Variants in URI1 observed in about 807,000 individuals in gnomAD.
URI1 encodes URI1 prefoldin like chaperone.
URI1 carries 39 observed loss-of-function variants against 60.2 expected under a neutral mutation model. The ratio of observed to expected loss-of-function variants is 0.65; its 90% CI spans 0.50 to 0.85. The LOEUF is 0.85. Ranked by LOEUF, URI1 falls within the 40% of genes least tolerant of loss-of-function variation. URI1 has a pLI of 0.00. For synonymous variants in URI1, 251 were observed against 236.8 expected, an observed-to-expected ratio of 1.06 and a Z score of -0.55; for missense variants, 691 against 665.9, an observed-to-expected ratio of 1.04 and a Z score of -0.42.
chr19:29,942,124 C>T, upstream of URI1: 5 of 770,340 alleles, frequency 6.5e-6, no homozygotes, highest in Non-Finnish European at 7.9e-6. Flanking sequence ...CACCGCCAGC[C>T]CCAGCCACGC....
rs1257899587 is a variant in URI1, at chr19:29,986,387, G to A, written c.337G>A (p.Ala113Thr). The A allele has an allele frequency of 4.3e-6, 7 of 1,609,950 alleles. No homozygotes were observed. In the African/African-American group the frequency reaches 9.4e-5, roughly 22 times the overall value. ...NWFAKCSAKQAVGLVEHRKEH... is the reference protein window; with the variant it reads ...NWFAKCSAKQTVGLVEHRKEH... ...GTTTGCAAAGTGCTCAGCAAAGCAGGCTGTAGGTTTAGTTGAGCACCGGAA... is the reference window on the plus strand; with the variant it reads ...GTTTGCAAAGTGCTCAGCAAAGCAGACTGTAGGTTTAGTTGAGCACCGGAA... Residue 113 changes from alanine to threonine, a missense_variant, in exon 4 of 11, where the codon GCT (alanine) becomes ACT (threonine). Coordinates refer to ENST00000392271, the MANE Select transcript of URI1 (RefSeq NM_003796.3).
At chr19:30,006,523 T>C (rs1433961919) in intron 6 of URI1, among the ~76,000 whole-genome samples, 1 of 152,136 alleles carries the variant, frequency 6.6e-6, no homozygotes, top group African/African-American at 2.4e-5. Flanking sequence ...AAGATTTTTG[T>C]TTGTGGTGAC....
chr19:29,974,076 G>T (rs1413779537), intron 2 of URI1, among the ~76,000 whole-genome samples: 1 of 152,004 alleles, frequency 6.6e-6, no homozygotes, highest in African/African-American at 2.4e-5. Context: ...ATGGCATTTG[G>T]AGTCACAGAC....
intron 1 of URI1, among the ~76,000 whole-genome samples, chr19:29,948,707 T>G (rs1323888979): frequency 6.6e-6 from 1 of 152,190 alleles, no homozygotes; most frequent in East Asian, 1.9e-4. Context: ...TTTTTCTTAG[T>G]ACAGAACAAA....
At chr19:29,993,634 G>C (rs946121381) in intron 4 of URI1, among the ~76,000 whole-genome samples, 2 of 151,868 alleles carry the variant, frequency 1.3e-5, no homozygotes, top group African/African-American at 4.8e-5. Flanking sequence ...GATTGTATGA[G>C]GTGCATCAGG....
At chr19:30,005,614 GTGT>G (rs1204591211) in intron 5 of URI1, 34 bp from the exon 6 acceptor site, 4 of 1,597,580 alleles carry the variant, frequency 2.5e-6, no homozygotes, top group South Asian at 2.3e-5. Context: ...CTGGAGATTT[GTGT>G]TGTTAATACG....
chr19:29,931,646 G>A (rs2054918228), intron 1 of URI1, among the ~76,000 whole-genome samples: 1 of 152,088 alleles, frequency 6.6e-6, no homozygotes, highest in African/African-American at 2.4e-5. Flanking sequence ...AATCCATGAA[G>A]GCAAGATGTT....
In URI1 at chr19:30,009,084, AATGCG is replaced by A. The variant is rs1185900717; in HGVS notation, c.771_775del (p.Met258SerfsTer11). ...AAAGGAAGATCGTAACACAAATGTG[AATGCG>A]ATGCATCAAGTAACAGACTCTCATA... On this transcript the variant is annotated frameshift_variant, in exon 8 of 11. Coordinates refer to ENST00000392271, the MANE Select transcript of URI1 (RefSeq NM_003796.3). LOFTEE classifies it high-confidence loss of function. 1.9e-6 allele frequency: 3 copies of A among 1,613,912 alleles called. No homozygotes were observed. Among genetic ancestry groups the A allele is most frequent in the African/African-American group, 2.7e-5 (2 of 74,922 alleles).
Position 30,015,678 on chromosome 19 carries a change from A to G in URI1, c.*609A>G. 1.2e-5 allele frequency: 15 copies of G among 1,260,146 alleles called. No homozygotes were observed. Among genetic ancestry groups the G allele is most frequent in the Non-Finnish European group, 1.6e-5 (15 of 922,634 alleles). The allele number at this position is 1,260,146 out of a possible 1,614,324, so 78.1% of individuals were successfully genotyped here. On this transcript the variant is annotated 3_prime_UTR_variant, in exon 11 of 11. Coordinates refer to ENST00000392271, the MANE Select transcript of URI1 (RefSeq NM_003796.3). ...ATATTTTGTAAAACTTTTTTTTCCAAGTAAAAACTTTATGAAACTTGGTCT... is the reference window on the plus strand; with the variant it reads ...ATATTTTGTAAAACTTTTTTTTCCAGGTAAAAACTTTATGAAACTTGGTCT...
intron 4 of URI1, among the ~76,000 whole-genome samples, chr19:29,999,317 C>G (rs779715102): frequency 6.6e-6 from 1 of 152,072 alleles, no homozygotes. Flanking sequence ...CATTTCTACC[C>G]GAAGAACTTC....
chr19:29,934,891 T>G (rs1340655838), intron 1 of URI1, among the ~76,000 whole-genome samples: 3 of 152,124 alleles, frequency 2.0e-5, no homozygotes, highest in Non-Finnish European at 4.4e-5. Flanking sequence ...TTTCCATCCT[T>G]TCGAATCTTT....
chr19:30,005,312 G>T, intron 4 of URI1, 49 bp from the exon 5 acceptor site: 1 of 1,064,968 alleles, frequency 9.4e-7, no homozygotes, highest in South Asian at 1.5e-5. Flanking sequence ...TATTCCTACA[G>T]GTCGTATATA....
In URI1 at chr19:29,986,311, A is replaced by C; in HGVS notation, c.261A>C (p.Pro87=). ...MVPFGPFAFM[P]GKLVHTNEVT... ...CATTTGGCCCTTTTGCCTTCATGCCAGGAAAACTTGTCCATACTAATGAAG... is the reference window on the plus strand; with the variant it reads ...CATTTGGCCCTTTTGCCTTCATGCCCGGAAAACTTGTCCATACTAATGAAG... The change falls in exon 4 of 11, where the codon CCA becomes CCC. Residue 87 remains proline (P), a synonymous_variant. Transcript: ENST00000392271. 2 of 1,604,690 alleles carry C rather than the reference A, an allele frequency of 1.2e-6. No homozygotes were observed. The highest frequency in any genetic ancestry group is 1.7e-6 in the Non-Finnish European group (2 of 1,178,106).
At chr19:29,948,837 C>T (rs978554430) in intron 1 of URI1, among the ~76,000 whole-genome samples, 20 of 152,220 alleles carry the variant, frequency 1.3e-4, no homozygotes, top group Non-Finnish European at 2.2e-4. Context: ...ATGGCCTGTT[C>T]TCAGTGAGCT....
chr19:30,002,196 T>A (rs1228103057), intron 4 of URI1, among the ~76,000 whole-genome samples: 1 of 152,024 alleles, frequency 6.6e-6, no homozygotes, highest in African/African-American at 2.4e-5. Flanking sequence ...TATTAGTGTT[T>A]TGCAAATAAT....
intron 1 of URI1, among the ~76,000 whole-genome samples, chr19:29,959,227 T>C (rs1037878380): frequency 8.5e-5 from 13 of 152,118 alleles, no homozygotes; most frequent in African/African-American, 3.1e-4. Flanking sequence ...CAGGCTCAGG[T>C]GATCCTCTCG....
At chr19:29,969,991 G>A (rs1262662734) in intron 1 of URI1, among the ~76,000 whole-genome samples, 1 of 151,578 alleles carries the variant, frequency 6.6e-6, no homozygotes, top group Non-Finnish European at 1.5e-5. Flanking sequence ...AGTATGGTTG[G>A]GTTTCTGATT....
At chr19:29,936,492 A>G (rs2054973762) in intron 1 of URI1, among the ~76,000 whole-genome samples, 1 of 152,012 alleles carries the variant, frequency 6.6e-6, no homozygotes, top group South Asian at 2.1e-4. Flanking sequence ...TGCTTTCAAG[A>G]TTCTCTTTTT....
At chr19:29,931,749 A>G (rs1225763091) in intron 1 of URI1, among the ~76,000 whole-genome samples, 2 of 152,006 alleles carry the variant, frequency 1.3e-5, no homozygotes, top group Admixed American at 1.3e-4. Context: ...TTTACTAAAT[A>G]TTTTATTCTT....
Sources: allele counts gnomAD v4.1 joint callset (sites outside exome capture counted in the v4.1 genomes callset), GRCh38; gene constraint gnomAD v4.1.1; transcripts MANE v1.5; gene names NCBI Gene and HGNC (gene_info 2026-07-23, HGNC 2026-07-21).